PHEX: variants seen among roughly 807,000 people sequenced by gnomAD.
PHEX encodes phosphate-regulating neutral endopeptidase PHEX.
A neutral mutation model predicts 68.0 loss-of-function variants in PHEX; 16 were observed. That is an observed-to-expected ratio of 0.24 (90% CI 0.16 to 0.36). The LOEUF (loss-of-function observed/expected upper bound fraction) is 0.36, where lower values mean the gene tolerates loss of function less well. Ranked by LOEUF, PHEX falls within the 10% of genes least tolerant of loss-of-function variation. The pLI, the probability that PHEX is intolerant of heterozygous loss-of-function variation, is 1.00. For synonymous variants in PHEX, 208 were observed against 205.1 expected, an observed-to-expected ratio of 1.01 and a Z score of -0.12; for missense variants, 480 against 575.5, an observed-to-expected ratio of 0.83 and a Z score of 1.70.
intron 11 of PHEX, among the ~76,000 whole-genome samples, chrX:22,125,667 G>A (rs372683498): frequency 8.9e-6 from 1 of 111,812 alleles, no homozygotes; most frequent in East Asian, 2.8e-4. Context: ...GTAGGCTACA[G>A]TCATTCTGGA....
At chrX:22,104,044 A>G (rs1298800830) in intron 9 of PHEX, among the ~76,000 whole-genome samples, 1 of 111,777 alleles carries the variant, frequency 8.9e-6, no homozygotes, top group Non-Finnish European at 1.9e-5. Flanking sequence ...CACTTCCCTG[A>G]TAATTAGTGA....
At chrX:22,178,210 A>G (rs1904696111) in intron 13 of PHEX, 63 bp from the exon 14 acceptor site, 1 of 757,637 alleles carries the variant, frequency 1.3e-6, no homozygotes, top group Non-Finnish European at 2.0e-6. Flanking sequence ...ATGCTGAAGT[A>G]TTTTTTTAGA....
chrX:22,078,649 A>AT lies in PHEX; in HGVS notation c.663+953dup, dbSNP rs1003251065. Reference sequence around the variant, plus strand: ...TCATCGTTTGATCAGAGATTGGCACATTTTTTGGGTAAAGGGCCAGATAAT... The same window carrying AT: ...TCATCGTTTGATCAGAGATTGGCACATTTTTTTGGGTAAAGGGCCAGATAAT... On this transcript the variant is annotated intron_variant, in intron 5 of 21. Transcript: ENST00000379374. Among the ~76,000 whole-genome samples, 52 of 111,924 alleles carry AT rather than the reference A, an allele frequency of 4.6e-4. 1 individual carries two copies. The highest frequency in any genetic ancestry group is 1.7e-3 in the African/African-American group (51 of 30,904).
intron 8 of PHEX, chrX:22,097,790 C>T (rs1437792393): frequency 7.0e-6 from 4 of 574,590 alleles, no homozygotes; most frequent in Non-Finnish European, 8.4e-6. Flanking sequence ...TTTTTTGAGA[C>T]ACAGTCTTGC....
rs1247898023 is a variant in PHEX at position 22,249,451 on chromosome X, A to ATATATATATAT, written c.*1498_*1499insTATATATATAT. ...TGATTTGTGATTCTTTTAAAAAAAA[A>ATATATATATAT]AAAAATATATATATATATATATATA... On this transcript the variant is annotated 3_prime_UTR_variant, in exon 22 of 22. Coordinates refer to ENST00000379374, the MANE Select transcript of PHEX (RefSeq NM_000444.6). The ATATATATATAT allele has an allele frequency of 1.1e-4, 3 of 28,500 alleles. No individual in the cohort carries two copies. The highest frequency in any genetic ancestry group is 6.2e-4 in the African/African-American group (3 of 4,817). 2.3% of individuals were successfully genotyped at this position (28,500 alleles called of 1,213,427 possible). A position where few individuals can be genotyped will look rare whatever the true frequency, so the allele number is the denominator to read the frequency against.
chrX:22,206,496 C>T (rs773414108), intron 15 of PHEX, among the ~76,000 whole-genome samples: 1 of 111,373 alleles, frequency 9.0e-6, no homozygotes, highest in South Asian at 3.8e-4. Flanking sequence ...AGACAGAAAA[C>T]GCATACAAAA....
At chrX:22,072,998 A>G (rs894093094) in intron 3 of PHEX, among the ~76,000 whole-genome samples, 3 of 112,135 alleles carry the variant, frequency 2.7e-5, no homozygotes, top group African/African-American at 9.7e-5. Context: ...TCCCATTTAG[A>G]ATTGCCTCTA....
intron 12 of PHEX, among the ~76,000 whole-genome samples, chrX:22,145,105 T>C (rs1932632252): frequency 8.9e-6 from 1 of 112,222 alleles, no homozygotes; most frequent in African/African-American, 3.2e-5. Flanking sequence ...TGCCACGTTG[T>C]CCCACTTGCA....
intron 9 of PHEX, among the ~76,000 whole-genome samples, chrX:22,100,266 A>G (rs1466944895): frequency 9.0e-6 from 1 of 111,577 alleles, no homozygotes; most frequent in East Asian, 2.8e-4. Context: ...TCCTCCATTG[A>G]GTCTGATCCA....
At chrX:22,160,084 G>A (rs1042891316) in intron 12 of PHEX, among the ~76,000 whole-genome samples, 7 of 112,085 alleles carry the variant, frequency 6.2e-5, no homozygotes, top group Admixed American at 3.8e-4. Flanking sequence ...TTCAGTATGT[G>A]TATTAGTCTG....
intron 9 of PHEX, 49 bp downstream of exon 9, chrX:22,099,200 A>G: frequency 9.4e-7 from 1 of 1,063,191 alleles, no homozygotes; most frequent in Non-Finnish European, 1.3e-6. Context: ...TTTTCTTTAA[A>G]TTATAAGGGC....
intron 12 of PHEX, among the ~76,000 whole-genome samples, chrX:22,143,386 A>G (rs760785920): frequency 1.8e-5 from 2 of 112,197 alleles, no homozygotes; most frequent in Non-Finnish European, 3.8e-5. Context: ...GGTAAAAACT[A>G]CTCACATGTA....
intron 5 of PHEX, among the ~76,000 whole-genome samples, chrX:22,088,063 C>T (rs1038169944): frequency 1.1e-4 from 12 of 111,920 alleles, no homozygotes; most frequent in African/African-American, 3.9e-4. Context: ...CTAAGTCAAG[C>T]CCTCTCCTCA....
At chrX:22,240,564 C>T (rs1162217414) in intron 20 of PHEX, among the ~76,000 whole-genome samples, 1 of 98,189 alleles carries the variant, frequency 1.0e-5, no homozygotes, top group Admixed American at 1.1e-4. Context: ...AAATGGAAAG[C>T]AAAAAACAAA....
At chrX:22,153,836 TTC>T (rs1289370566) in intron 12 of PHEX, among the ~76,000 whole-genome samples, 6 of 112,343 alleles carry the variant, frequency 5.3e-5, no homozygotes, top group Non-Finnish European at 1.1e-4. Flanking sequence ...GTGCTAATTT[TTC>T]AGTGAACTGT....
intron 11 of PHEX, among the ~76,000 whole-genome samples, chrX:22,130,069 T>C (rs1931919688): frequency 8.9e-6 from 1 of 112,143 alleles, no homozygotes; most frequent in Admixed American, 9.5e-5. Context: ...TCTACGTTCC[T>C]CACTTTCCCA....
At chrX:22,200,005 G>T (rs1476885048) in intron 15 of PHEX, among the ~76,000 whole-genome samples, 1 of 111,733 alleles carries the variant, frequency 8.9e-6, no homozygotes, top group Non-Finnish European at 1.9e-5. Context: ...GGCTTTACAG[G>T]ACTTCCATCA....
chrX:22,063,934 A>C (rs1453460164), intron 3 of PHEX, among the ~76,000 whole-genome samples: 1 of 112,583 alleles, frequency 8.9e-6, no homozygotes, highest in Non-Finnish European at 1.9e-5. Flanking sequence ...AAGCCAGAGA[A>C]TATGCAAACA....
chrX:22,119,633 C>T (rs1355614202), intron 11 of PHEX, among the ~76,000 whole-genome samples: 4 of 106,414 alleles, frequency 3.8e-5, no homozygotes, highest in Non-Finnish European at 7.7e-5. Flanking sequence ...TGCTCCATCA[C>T]CCAGGCTGAA....
Sources: gnomAD v4.1 joint callset for allele counts (sites outside exome capture counted in the v4.1 genomes callset) on GRCh38, gnomAD v4.1.1 for gene constraint, MANE v1.5 for transcripts, NCBI Gene and HGNC (gene_info 2026-07-23, HGNC 2026-07-21) for gene names.